STK36: variants seen among roughly 807,000 people sequenced by gnomAD.
The protein encoded by STK36 is serine/threonine-protein kinase 36.
In STK36, 116 loss-of-function variants were observed where a neutral mutation model predicts 142.2. That is an observed-to-expected ratio of 0.82 (90% CI 0.70 to 0.95). STK36 has a LOEUF of 0.95. Among genes scored for constraint, STK36 ranks in the 40% least tolerant of loss-of-function variants. The pLI is 0.00. For missense variants in STK36, 1,422 were observed against 1,617.2 expected (o/e 0.88, Z 2.07); for synonymous variants, 619 against 641.7 (o/e 0.96, Z 0.53).
intron 2 of STK36, chr2:218,673,216 A>T: frequency 5.1e-6 from 2 of 393,198 alleles, no homozygotes; most frequent in Non-Finnish European, 9.2e-6. Context: ...ATATGTTTTC[A>T]CATTAAATCA....
At position 218,699,071 on chromosome 2, in the gene STK36, TG is replaced by T. The variant is rs1341651880; in HGVS notation, c.3530del (p.Gly1177AlafsTer21). The T allele has an allele frequency of 3.7e-6, 6 of 1,613,924 alleles. No individual in the cohort carries two copies. The highest frequency in any genetic ancestry group is 1.3e-5 in the African/African-American group (1 of 74,914). The part of the protein sequence containing the change: ...PVVRCSASFA[V>X]GNAAYQAGPL... ...GTGCGGTGCAGTGCCAGCTTTGCTG[TG>T]GGCAATGCAGCCTACCAGGCTGGTC... On this transcript the variant is annotated frameshift_variant, in exon 26 of 27. Transcript: ENST00000295709. LOFTEE classifies it high-confidence loss of function.
rs1230249224 is a variant in STK36, at chr2:218,692,269, C to T, written c.1891C>T (p.Gln631Ter). The T allele has an allele frequency of 1.2e-6, 2 of 1,614,208 alleles. No individual in the cohort carries two copies. Among genetic ancestry groups the T allele is most frequent in the Non-Finnish European group, 1.7e-6 (2 of 1,180,042 alleles). Residue 631 changes from glutamine to a stop codon, truncating the protein, a stop_gained, in exon 15 of 27, where the codon CAG becomes TAG. Coordinates refer to ENST00000295709, the MANE Select transcript of STK36 (RefSeq NM_015690.5). LOFTEE classifies it high-confidence loss of function. ...GCTCCTTCATGGCTTGACAGTTCCA[C>T]AGCTCCCTGTCCACACTCCCCAAGG... ...DGLLHGLTVPQLPVHTPQGAP... is the reference protein window; with the variant it reads ...DGLLHGLTVP
chr2:218,684,157 G>T (rs1940669222), intron 10 of STK36, among the ~76,000 whole-genome samples: 1 of 146,110 alleles, frequency 6.8e-6, no homozygotes, highest in African/African-American at 2.6e-5. Flanking sequence ...TGTTGCCCAG[G>T]CTGGAGTGCA....
In STK36 at chr2:218,698,946, A is replaced by T. The variant is rs1464677048; in HGVS notation, c.3402A>T (p.Gly1134=). ...SVRAHTYRLL[G]HLLQHSMALR... ...GGGCACACACTTATAGGCTCCTGGG[A>T]CACTTGCTCCAACACAGCATGGCCC... Residue 1134 remains glycine, a synonymous_variant, in exon 26 of 27, where the codon GGA becomes GGT. Transcript: ENST00000295709. The T allele has an allele frequency of 6.2e-7, 1 of 1,614,142 alleles. No homozygotes were observed. The highest frequency in any genetic ancestry group is 1.1e-5 in the South Asian group (1 of 91,086).
At chr2:218,676,377 C>A in intron 6 of STK36, 99 bp downstream of exon 6, 1 of 1,456,594 alleles carries the variant, frequency 6.9e-7, no homozygotes, top group Non-Finnish European at 9.2e-7. Flanking sequence ...TGAGGCGGGA[C>A]TTTGCAGTTA....
At position 218,679,998 on chromosome 2, in the gene STK36, A is replaced by G; in HGVS notation, c.1054A>G (p.Ser352Gly). 1.2e-6 allele frequency: 2 copies of G among 1,614,216 alleles called. No homozygotes were observed. The highest frequency in any genetic ancestry group is 1.7e-6 in the Non-Finnish European group (2 of 1,180,022). ...ACTCGGGGCCACTCCTCAGGAATCA[A>G]GCCTCCTGGCCGGGATCTTAGCCTC... ...PRLGATPQES[S>G]LLAGILASEL... Residue 352 changes from serine to glycine, a missense_variant, in exon 9 of 27, where the codon AGC becomes GGC. This residue lies in a region of STK36 where 460 missense variants were observed against 449.6 expected (regional missense o/e 1.02). Transcript: ENST00000295709.
In STK36 at chr2:218,690,096, A is replaced by G. The variant is rs181107022; in HGVS notation, c.1658+140A>G. 7.9e-4 allele frequency: 641 copies of G among 812,630 alleles called. 1 individual carries two copies. In the African/African-American group the frequency reaches 9.1e-3, roughly 12 times the overall value. The allele number at this position is 812,630 out of a possible 1,614,324, so 50.3% of individuals were successfully genotyped here. On this transcript the variant is annotated intron_variant, in intron 13 of 26. Transcript: ENST00000295709. ...TTAGGAATCAGCTGAGTGGCCACTC[A>G]TAGTCCTTTTAAGGACCCTAAGACA...
At position 218,696,498 on chromosome 2, in the gene STK36, C is replaced by T. The variant is rs771003184; in HGVS notation, c.2512-29C>T. The T allele has an allele frequency of 9.3e-6, 15 of 1,608,480 alleles. No individual in the cohort carries two copies. In the African/African-American group the frequency reaches 1.5e-4, roughly 16 times the overall value. On this transcript the variant is annotated intron_variant, in intron 21 of 26. Transcript: ENST00000295709. Reference sequence around the variant, plus strand: ...ACGGACACCCCATTCCTCTTAGGCACCTGCATTCTTCATGTTTCTCTCTGA... The same window carrying T: ...ACGGACACCCCATTCCTCTTAGGCATCTGCATTCTTCATGTTTCTCTCTGA...
At position 218,699,067 on chromosome 2, in the gene STK36, G is replaced by T. The variant is rs1559346675; in HGVS notation, c.3523G>T (p.Ala1175Ser). Residue 1175 changes from alanine to serine, a missense_variant, in exon 26 of 27, where the codon GCT becomes TCT. Around this residue, in one of 2 missense-constraint regions of STK36, gnomAD observed 962 missense variants for 1,167.5 expected, o/e 0.82. Coordinates refer to ENST00000295709, the MANE Select transcript of STK36 (RefSeq NM_015690.5). ...TGTTGTGCGGTGCAGTGCCAGCTTTGCTGTGGGCAATGCAGCCTACCAGGC... is the reference window on the plus strand; with the variant it reads ...TGTTGTGCGGTGCAGTGCCAGCTTTTCTGTGGGCAATGCAGCCTACCAGGC... ...DPVVRCSASF[A>S]VGNAAYQAGP... The T allele has an allele frequency of 6.2e-7, 1 of 1,614,066 alleles. No homozygotes were observed. Among genetic ancestry groups the T allele is most frequent in the Non-Finnish European group, 8.5e-7 (1 of 1,180,030 alleles).
intron 9 of STK36, 63 bp from the exon 10 acceptor site, chr2:218,680,540 A>G (rs1940469104): frequency 2.9e-6 from 4 of 1,381,522 alleles, no homozygotes; most frequent in Non-Finnish European, 4.0e-6. Context: ...GAGAGGGACA[A>G]GTTAACGAAC....
chr2:218,684,955 T>C (rs1198810160), intron 10 of STK36, 130 bp from the exon 11 acceptor site: 35 of 1,132,372 alleles, frequency 3.1e-5, no homozygotes, highest in Non-Finnish European at 3.4e-5. Context: ...ACTGAAGATA[T>C]ACATCTGTGC....
chr2:218,685,770 G>A (rs1031558114), intron 11 of STK36, among the ~76,000 whole-genome samples: 2 of 152,016 alleles, frequency 1.3e-5, no homozygotes, highest in Non-Finnish European at 2.9e-5. Flanking sequence ...CTGGGTACTC[G>A]CCAAACTGTG....
chr2:218,676,261 A>G lies in STK36; in HGVS notation c.667A>G (p.Ile223Val), dbSNP rs1466858224. The change falls in exon 6 of 27, where the codon ATC (isoleucine) becomes GTC (valine). Residue 223 changes from isoleucine to valine, a missense_variant. Transcript: ENST00000295709. ...LKDPVRWPST[I>V]SPCFKNFLQG... ...GGACCCTGTGCGCTGGCCCTCAACC[A>G]TCAGTCCCTGCTTTAAGGTAATGAA... 1.2e-6 allele frequency: 2 copies of G among 1,614,052 alleles called. No individual in the cohort carries two copies. The highest frequency in any genetic ancestry group is 1.3e-5 in the African/African-American group (1 of 74,926).
chr2:218,693,446 G>C (rs1941092189), intron 17 of STK36, 102 bp downstream of exon 17: 1 of 1,134,878 alleles, frequency 8.8e-7, no homozygotes, highest in East Asian at 2.5e-5. Flanking sequence ...AAGAGAGAGA[G>C]ACTGAGAGAG....
rs1260139344 is a variant in STK36 at position 218,679,167 on chromosome 2, G to T, written c.685-1G>T. Reference sequence around the variant, plus strand: ...TGATGGAATATTTTTTCTCTCTGTAGAACTTCCTGCAGGGACTGCTCACCA... The same window carrying T: ...TGATGGAATATTTTTTCTCTCTGTATAACTTCCTGCAGGGACTGCTCACCA... On this transcript the variant is annotated splice_acceptor_variant, in intron 6 of 26. Transcript: ENST00000295709. LOFTEE classifies it high-confidence loss of function. 5 of 1,613,940 alleles carry T rather than the reference G, an allele frequency of 3.1e-6. No homozygotes were observed. The Admixed American group carries it at 8.3e-5, about 27-fold the overall frequency.
intron 11 of STK36, among the ~76,000 whole-genome samples, chr2:218,685,446 A>T (rs1355573356): frequency 4.6e-5 from 7 of 152,154 alleles, no homozygotes; most frequent in African/African-American, 1.7e-4. Context: ...TAGAATAGGG[A>T]TCAAACTTTT....
intron 14 of STK36, 61 bp downstream of exon 14, chr2:218,690,616 C>G: frequency 7.4e-7 from 1 of 1,344,442 alleles, no homozygotes; most frequent in Non-Finnish European, 1.1e-6. Flanking sequence ...TTCTCCCATC[C>G]CCTTTCTTAT....
At chr2:218,676,982 G>T (rs971878108) in intron 6 of STK36, among the ~76,000 whole-genome samples, 1 of 151,438 alleles carries the variant, frequency 6.6e-6, no homozygotes, top group East Asian at 1.9e-4. Flanking sequence ...TGTCCAGGCT[G>T]GACTGCAATG....
intron 7 of STK36, 57 bp from the exon 8 acceptor site, chr2:218,679,503 T>C (rs780387052): frequency 3.3e-5 from 51 of 1,561,778 alleles, no homozygotes; most frequent in Non-Finnish European, 4.3e-5. Context: ...CCTGGCCAAG[T>C]GGACACAGGG....
Sources: allele counts gnomAD v4.1 joint callset (sites outside exome capture counted in the v4.1 genomes callset), GRCh38; gene constraint gnomAD v4.1.1; regional missense constraint gnomAD v4.1.1; transcripts MANE v1.5; gene names NCBI Gene and HGNC (gene_info 2026-07-23, HGNC 2026-07-21).